Variants in KIF27 observed in about 807,000 individuals in gnomAD.
KIF27 encodes kinesin-like protein KIF27.
A neutral mutation model predicts 141.8 loss-of-function variants in KIF27; 84 were observed. That is an observed-to-expected ratio of 0.59 (90% CI 0.50 to 0.71). KIF27 has a LOEUF of 0.71. Ranked by LOEUF, KIF27 falls within the 30% of genes least tolerant of loss-of-function variation. KIF27 has a pLI of 0.00. For synonymous variants in KIF27, 471 were observed against 569.5 expected (o/e 0.83, Z 2.46); for missense variants, 1,306 against 1,628.4 (o/e 0.80, Z 3.41).
chr9:83,846,794 C>CA (rs1947336563), intron 16 of KIF27, among the ~76,000 whole-genome samples: 1 of 152,118 alleles, frequency 6.6e-6, no homozygotes, highest in African/African-American at 2.4e-5. Context: ...GAAACACTGC[C>CA]ACCAGGAGAC....
intron 6 of KIF27, among the ~76,000 whole-genome samples, chr9:83,890,501 C>T (rs1205135298): frequency 1.3e-5 from 2 of 152,210 alleles, no homozygotes; most frequent in East Asian, 3.8e-4. Flanking sequence ...CAGAGTCCAA[C>T]TTCATTCTCT....
chr9:83,889,267 C>A lies in KIF27; in HGVS notation c.1810-14G>T, dbSNP rs1366302780. 2 of 1,568,444 alleles carry A rather than the reference C, an allele frequency of 1.3e-6. No homozygotes were observed. Among genetic ancestry groups the A allele is most frequent in the Non-Finnish European group, 1.7e-6 (2 of 1,153,138 alleles). On this transcript the variant is annotated splice_polypyrimidine_tract_variant and intron_variant, in intron 6 of 17. Coordinates refer to ENST00000297814, the MANE Select transcript of KIF27 (RefSeq NM_017576.4). ...ACTTGTGTGGACCTTGCAAGTGATTCCCCCACCCAACAACAAAAAAAGTGA... is the reference window on the plus strand; with the variant it reads ...ACTTGTGTGGACCTTGCAAGTGATTACCCCACCCAACAACAAAAAAAGTGA...
In KIF27 at chr9:83,903,230, T is replaced by C; in HGVS notation, c.1288A>G (p.Arg430Gly). Reference sequence around the variant, plus strand: ...TTGTGTTGCTGCTTTTCGTTTAGTCTGACAGTATCTTTTAGGTCAACCAGG... The same window carrying C: ...TTGTGTTGCTGCTTTTCGTTTAGTCCGACAGTATCTTTTAGGTCAACCAGG... ...TFLVDLKDTV[R>G]LNEKQQHKLQ... Residue 430 changes from arginine (R) to glycine (G), a missense_variant, in exon 4 of 18, where the codon AGA becomes GGA. Physicochemically the swap from Arg to Gly is moderately radical, Grantham distance 125. Coordinates refer to ENST00000297814, the MANE Select transcript of KIF27 (RefSeq NM_017576.4). 1 of 1,614,186 alleles carries C rather than the reference T, an allele frequency of 6.2e-7. No homozygotes were observed. Among genetic ancestry groups the C allele is most frequent in the Middle Eastern group, 1.6e-4 (1 of 6,062 alleles).
chr9:83,910,659 G>C (rs1339555828), intron 2 of KIF27, among the ~76,000 whole-genome samples: 1 of 152,212 alleles, frequency 6.6e-6, no homozygotes, highest in African/African-American at 2.4e-5. Context: ...TAGACCCTCA[G>C]TTCAAGAATG....
Position 83,837,118 on chromosome 9 carries a change from T to A in KIF27, c.4089A>T (p.Leu1363Phe). Residue 1363 changes from leucine (L) to phenylalanine (F), a missense_variant, in exon 18 of 18, where the codon TTA (leucine) becomes TTT (phenylalanine). Leu to Phe is a conservative substitution (Grantham distance 22). Around this residue, in one of 4 missense-constraint regions of KIF27, gnomAD observed 148 missense variants for 250.9 expected, o/e 0.59. Coordinates refer to ENST00000297814, the MANE Select transcript of KIF27 (RefSeq NM_017576.4). ...ATAGTTCCAAGGCGGAAATTTGACGTAATTCTTTTCGACACAGTTTTACAG... is the reference window on the plus strand; with the variant it reads ...ATAGTTCCAAGGCGGAAATTTGACGAAATTCTTTTCGACACAGTTTTACAG... ...VTPVKLCRKE[L>F]RQISALELSL... is the part of the protein sequence containing the mutation. The A allele has an allele frequency of 6.2e-7, 1 of 1,614,064 alleles. No individual in the cohort carries two copies.
chr9:83,889,975 G>A (rs2132348502), intron 6 of KIF27, among the ~76,000 whole-genome samples: 1 of 152,166 alleles, frequency 6.6e-6, no homozygotes, highest in African/African-American at 2.4e-5. Flanking sequence ...CTTTGTTCTG[G>A]TTTCTATTAC....
intron 1 of KIF27, among the ~76,000 whole-genome samples, chr9:83,920,773 C>T (rs572787049): frequency 3.5e-4 from 53 of 152,194 alleles, no homozygotes; most frequent in Non-Finnish European, 6.0e-4. Flanking sequence ...TTATAGTCAC[C>T]TGCCTCCGAG....
intron 14 of KIF27, among the ~76,000 whole-genome samples, chr9:83,856,991 T>C (rs990966852): frequency 9.9e-5 from 15 of 151,664 alleles, no homozygotes; most frequent in African/African-American, 9.7e-5. Context: ...AGTTCTTATA[T>C]TTTCCTCCCT....
rs35504224 is a variant in KIF27, at chr9:83,896,051, C to CAA, written c.1602+3608_1602+3609dup. On this transcript the variant is annotated intron_variant, in intron 5 of 17. Coordinates refer to ENST00000297814, the MANE Select transcript of KIF27 (RefSeq NM_017576.4). ...TGGATGACAGAGTGAGACTCTGTCT[C>CAA]AAAAAAAAAAAAAAAAAAAAAAAAC... 6.3e-3 allele frequency among the ~76,000 whole-genome samples: 339 copies of CAA among 53,692 alleles called. 6 individuals carry two copies. Among genetic ancestry groups the CAA allele is most frequent in the East Asian group, 0.028 (44 of 1,554 alleles). 35.2% of individuals were successfully genotyped at this position (53,692 alleles called of 152,430 possible).
chr9:83,889,230 G>A lies in KIF27; in HGVS notation c.1833C>T (p.Tyr611=). 1.2e-6 allele frequency: 2 copies of A among 1,611,940 alleles called. No individual in the cohort carries two copies. The highest frequency in any genetic ancestry group is 1.7e-6 in the Non-Finnish European group (2 of 1,178,812). Reference sequence around the variant, plus strand: ...ATCCAGCAAATATTCGATCCAGAGAGTACATAGGCGGACTTGTGTGGACCT... The same window carrying A: ...ATCCAGCAAATATTCGATCCAGAGAATACATAGGCGGACTTGTGTGGACCT... ...SRKVHTSPPM[Y]SLDRIFAGFR... is the part of the protein sequence containing the mutation. The change falls in exon 7 of 18, where the codon TAC becomes TAT. Residue 611 remains tyrosine (Y), a synonymous_variant. Coordinates refer to ENST00000297814, the MANE Select transcript of KIF27 (RefSeq NM_017576.4).
intron 16 of KIF27, among the ~76,000 whole-genome samples, chr9:83,845,649 C>G (rs1947175955): frequency 6.6e-6 from 1 of 152,192 alleles, no homozygotes; most frequent in African/African-American, 2.4e-5. Flanking sequence ...CTGAAGGATA[C>G]CAGTGAAGGA....
intron 17 of KIF27, chr9:83,838,755 T>C (rs541946712): frequency 6.6e-6 from 1 of 152,350 alleles, no homozygotes; most frequent in South Asian, 2.1e-4. Context: ...TGGAACACCG[T>C]TGCCACTGAC....
chr9:83,910,716 C>T (rs1414640886), intron 2 of KIF27, among the ~76,000 whole-genome samples: 1 of 152,168 alleles, frequency 6.6e-6, no homozygotes, highest in African/African-American at 2.4e-5. Flanking sequence ...ACTACCTAAG[C>T]CCACAGCTTC....
At chr9:83,879,928 G>A (rs879612660) in intron 11 of KIF27, among the ~76,000 whole-genome samples, 119 of 152,116 alleles carry the variant, frequency 7.8e-4, no homozygotes, top group Non-Finnish European at 9.6e-4. Flanking sequence ...TTTCTGTGTA[G>A]CCACATGGAC....
At chr9:83,913,647 G>C (rs1257996257) in intron 2 of KIF27, among the ~76,000 whole-genome samples, 1 of 152,182 alleles carries the variant, frequency 6.6e-6, no homozygotes, top group African/African-American at 2.4e-5. Flanking sequence ...ATGTTGACCA[G>C]GCTGGTCTCA....
In KIF27 at chr9:83,915,470, C is replaced by T. The variant is rs1270362653; in HGVS notation, c.122G>A (p.Arg41Lys). Residue 41 changes from arginine (R) to lysine (K), a missense_variant, in exon 2 of 18, where the codon AGA (arginine) becomes AAA (lysine). Around this residue, in one of 4 missense-constraint regions of KIF27, gnomAD observed 533 missense variants for 565.6 expected, o/e 0.94. Coordinates refer to ENST00000297814, the MANE Select transcript of KIF27 (RefSeq NM_017576.4). ...AAAATCAAAAGTGAAGACTCTATCT[C>T]TCCCAATGATAACTTGCTGGCTGTT... ...IPNSQQVIIG[R>K]DRVFTFDFVF... The T allele has an allele frequency of 6.8e-6, 11 of 1,613,740 alleles. No homozygotes were observed. Among genetic ancestry groups the T allele is most frequent in the African/African-American group, 1.3e-5 (1 of 74,898 alleles).
chr9:83,893,775 C>T (rs943466544), intron 5 of KIF27, among the ~76,000 whole-genome samples: 4 of 151,330 alleles, frequency 2.6e-5, no homozygotes, highest in African/African-American at 9.8e-5. Context: ...AAATAGTGAA[C>T]AAACTAATGA....
intron 8 of KIF27, among the ~76,000 whole-genome samples, 156 bp from the exon 9 acceptor site, chr9:83,887,352 T>C (rs1314846334): frequency 2.0e-5 from 3 of 152,132 alleles, no homozygotes; most frequent in Admixed American, 6.6e-5. Context: ...TACACAGCAA[T>C]TGGGACTCTA....
intron 1 of KIF27, among the ~76,000 whole-genome samples, chr9:83,916,959 G>A (rs891591372): frequency 1.3e-5 from 2 of 151,812 alleles, no homozygotes; most frequent in African/African-American, 2.4e-5. Flanking sequence ...CACCGCGCAC[G>A]ACAGAACACT....
Sources: allele counts gnomAD v4.1 joint callset (sites outside exome capture counted in the v4.1 genomes callset), GRCh38; gene constraint gnomAD v4.1.1; regional missense constraint gnomAD v4.1.1; transcripts MANE v1.5; gene names NCBI Gene and HGNC (gene_info 2026-07-23, HGNC 2026-07-21).